The following CCDC149 variants were observed in gnomAD, a reference collection of about 807,000 sequenced individuals.
CCDC149 encodes coiled-coil domain-containing protein 149.
A neutral mutation model predicts 59.9 loss-of-function variants in CCDC149; 45 were observed. The observed-to-expected ratio is 0.75, with a 90% CI of 0.59 to 0.96. The LOEUF (loss-of-function observed/expected upper bound fraction) is 0.96, where lower values mean the gene tolerates loss of function less well. Ranked by LOEUF, CCDC149 falls within the 40% of genes least tolerant of loss-of-function variation. The pLI, the probability that CCDC149 is intolerant of heterozygous loss-of-function variation, is 0.00. For missense variants in CCDC149, 584 were observed against 664.7 expected, an observed-to-expected ratio of 0.88 and a Z score of 1.33; for synonymous variants, 245 against 260.6, an observed-to-expected ratio of 0.94 and a Z score of 0.58.
chr4:24,829,289 T>C (rs143386775), intron 9 of CCDC149: 17 of 152,516 alleles, frequency 1.1e-4, no homozygotes, highest in African/African-American at 3.9e-4. Context: ...AACCAGAAGT[T>C]GGAAATGTGG....
chr4:24,876,620 T>A lies in CCDC149; in HGVS notation c.141A>T (p.Gln47His). 1 of 1,614,170 alleles carries A rather than the reference T, an allele frequency of 6.2e-7. No homozygotes were observed. The highest frequency in any genetic ancestry group is 8.5e-7 in the Non-Finnish European group (1 of 1,180,016). ...TGAGTTTGTACTGGTCCCTTTCCTG[T>A]TGACAGGTGTCCAGCTCCTTGGAGA... Residue 47 changes from glutamine to histidine, a missense_variant, in exon 2 of 13, where the codon CAA becomes CAT. Coordinates refer to ENST00000635206, the MANE Select transcript of CCDC149 (RefSeq NM_001330643.2).
chr4:24,965,319 A>G (rs1006994349), intron 1 of CCDC149, among the ~76,000 whole-genome samples: 10 of 151,126 alleles, frequency 6.6e-5, no homozygotes, highest in Non-Finnish European at 1.2e-4. Flanking sequence ...CCTAAATGCA[A>G]GTAAATTTTC....
At chr4:24,925,675 G>T (rs1041079004) in intron 1 of CCDC149, among the ~76,000 whole-genome samples, 2 of 152,102 alleles carry the variant, frequency 1.3e-5, no homozygotes, top group Admixed American at 1.3e-4. Flanking sequence ...TAACAAAGAA[G>T]GTCTACAAGA....
At chr4:24,903,121 C>T (rs946264041) in intron 1 of CCDC149, among the ~76,000 whole-genome samples, 4 of 150,086 alleles carry the variant, frequency 2.7e-5, no homozygotes, top group African/African-American at 9.8e-5. Context: ...TACCCTAATT[C>T]TCCCCCATAT....
intron 1 of CCDC149, among the ~76,000 whole-genome samples, chr4:24,884,318 C>A (rs1720028221): frequency 6.6e-6 from 1 of 152,230 alleles, no homozygotes; most frequent in African/African-American, 2.4e-5. Flanking sequence ...ATATGCTGTA[C>A]AGGTTTGTAG....
At chr4:24,945,382 C>T (rs557645156) in intron 1 of CCDC149, among the ~76,000 whole-genome samples, 5 of 152,154 alleles carry the variant, frequency 3.3e-5, no homozygotes, top group African/African-American at 1.2e-4. Context: ...AAGGAGGTGC[C>T]ATGTATGTGG....
chr4:24,894,329 G>T (rs1263293418), intron 1 of CCDC149, among the ~76,000 whole-genome samples: 7 of 152,198 alleles, frequency 4.6e-5, no homozygotes, highest in Non-Finnish European at 1.0e-4. Context: ...CATAGTGGTT[G>T]TAGTGATAGT....
rs931773042 is a variant in CCDC149 at position 24,968,781 on chromosome 4, C to T, written c.-65+11288G>A. Among the ~76,000 whole-genome samples, 10 of 152,296 alleles carry T rather than the reference C, an allele frequency of 6.6e-5. No individual in the cohort carries two copies. In the South Asian group the frequency reaches 1.5e-3, roughly 22 times the overall value. On this transcript the variant is annotated intron_variant, in intron 1 of 12. Transcript: ENST00000389609. Reference sequence around the variant, plus strand: ...AGGTGACACCTATGGTAATCTGCACCGATAGCTGGGTTGTCTATTGGGGCT... The same window carrying T: ...AGGTGACACCTATGGTAATCTGCACTGATAGCTGGGTTGTCTATTGGGGCT...
At chr4:24,812,260 C>T (rs530288638) in intron 12 of CCDC149, among the ~76,000 whole-genome samples, 1 of 152,330 alleles carries the variant, frequency 6.6e-6, no homozygotes, top group Non-Finnish European at 1.5e-5. Flanking sequence ...CTACATATGC[C>T]TTCCCAGTTC....
chr4:24,934,226 T>C (rs1341554783), intron 1 of CCDC149, among the ~76,000 whole-genome samples: 5 of 152,200 alleles, frequency 3.3e-5, no homozygotes, highest in Non-Finnish European at 1.5e-5. Flanking sequence ...TGGGAGGTAA[T>C]TGAACCATGG....
In CCDC149 at chr4:24,806,968, C is replaced by T. The variant is rs540754983; in HGVS notation, c.*1421G>A. On this transcript the variant is annotated 3_prime_UTR_variant, in exon 13 of 13. Coordinates refer to ENST00000635206, the MANE Select transcript of CCDC149 (RefSeq NM_001330643.2). ...GAGATGCAATCTGGGAGGGATGTAT[C>T]CACGTGGCTGACCCCTCGTGTCCAG... The T allele has an allele frequency of 5.2e-5, 8 of 152,776 alleles. No homozygotes were observed. The highest frequency in any genetic ancestry group is 1.9e-4 in the African/African-American group (8 of 41,538). The allele number at this position is 152,776 out of a possible 1,614,324, so 9.5% of individuals were successfully genotyped here.
At chr4:24,938,775 G>A (rs1054388792) in intron 1 of CCDC149, among the ~76,000 whole-genome samples, 2 of 152,228 alleles carry the variant, frequency 1.3e-5, no homozygotes, top group African/African-American at 2.4e-5. Context: ...AGGGTCCTAC[G>A]CCCACGGAGC....
rs543730348 is a variant in CCDC149 at position 24,864,963 on chromosome 4, G to A, written c.264+8718C>T. Among the ~76,000 whole-genome samples, 3 of 152,236 alleles carry A rather than the reference G, an allele frequency of 2.0e-5. No individual in the cohort carries two copies. In the East Asian group the frequency reaches 5.8e-4, roughly 29 times the overall value. On this transcript the variant is annotated intron_variant, in intron 3 of 12. Coordinates refer to ENST00000635206, the MANE Select transcript of CCDC149 (RefSeq NM_001330643.2). ...AATTTTGGTGTACACGGGGTTCCTG[G>A]AACCAATCCCCTCTGTATACTGAGG...
chr4:24,846,666 A>G (rs1206547273), intron 4 of CCDC149, among the ~76,000 whole-genome samples: 1 of 152,186 alleles, frequency 6.6e-6, no homozygotes, highest in Non-Finnish European at 1.5e-5. Flanking sequence ...CACGGCACCA[A>G]TGACAGATAA....
chr4:24,850,534 A>G (rs1485823233), intron 4 of CCDC149, among the ~76,000 whole-genome samples: 3 of 152,168 alleles, frequency 2.0e-5, no homozygotes, highest in Non-Finnish European at 4.4e-5. Context: ...GCAGTGTAGC[A>G]CAGCAAAGGG....
At chr4:24,954,923 T>G (rs954594218) in intron 1 of CCDC149, among the ~76,000 whole-genome samples, 7 of 152,244 alleles carry the variant, frequency 4.6e-5, no homozygotes, top group African/African-American at 1.7e-4. Flanking sequence ...AACTGAGAAT[T>G]TTTAAAATTT....
In CCDC149 at chr4:24,835,021, C is replaced by G; in HGVS notation, c.747G>C (p.Glu249Asp). The change falls in exon 8 of 13, where the codon GAG becomes GAC. Residue 249 changes from glutamate (E) to aspartate (D), a missense_variant. Transcript: ENST00000635206. ...CCTGGCCCTTCGAGTTTTTCCGTCT[C>G]TCCAGAGCATTCTAAAACAGGATTG... 1 of 1,613,594 alleles carries G rather than the reference C, an allele frequency of 6.2e-7. No individual in the cohort carries two copies. The highest frequency in any genetic ancestry group is 8.5e-7 in the Non-Finnish European group (1 of 1,179,578).
chr4:24,944,548 AT>A (rs34737715), intron 1 of CCDC149, among the ~76,000 whole-genome samples: 19,373 of 151,092 alleles, frequency 0.13, 1,306 homozygotes, highest in South Asian at 0.16. Flanking sequence ...TTAAAGTATA[AT>A]TTAAAAAAAA....
At chr4:24,964,880 T>C (rs1163050420) in intron 1 of CCDC149, among the ~76,000 whole-genome samples, 1 of 143,788 alleles carries the variant, frequency 7.0e-6, no homozygotes, top group African/African-American at 2.9e-5. Flanking sequence ...TCAAAGACAG[T>C]AGGTTTCTCA....
Sources: gnomAD v4.1 joint callset for allele counts (sites outside exome capture counted in the v4.1 genomes callset) on GRCh38, gnomAD v4.1.1 for gene constraint, MANE v1.5 for transcripts, NCBI Gene and HGNC (gene_info 2026-07-23, HGNC 2026-07-21) for gene names.